BAZ1B: variants seen among roughly 807,000 people sequenced by gnomAD.
BAZ1B encodes tyrosine-protein kinase BAZ1B.
In BAZ1B, 22 loss-of-function variants were observed where a neutral mutation model predicts 153.8. The ratio of observed to expected loss-of-function variants is 0.14; its 90% CI spans 0.10 to 0.20. The LOEUF (loss-of-function observed/expected upper bound fraction) is 0.20. Among genes scored for constraint, BAZ1B ranks in the 10% least tolerant of loss-of-function variants. BAZ1B has a pLI of 1.00. For synonymous variants in BAZ1B, 676 were observed against 633.4 expected, an observed-to-expected ratio of 1.07 and a Z score of -1.01; for missense variants, 1,325 against 1,799.3, an observed-to-expected ratio of 0.74 and a Z score of 4.77.
intron 12 of BAZ1B, chr7:73,462,608 A>G: frequency 3.1e-6 from 1 of 322,354 alleles, no homozygotes; most frequent in South Asian, 2.9e-5. Context: ...AAGCACAGGC[A>G]TCGCAAGGTA....
Position 73,478,447 on chromosome 7 carries a change from AC to A in BAZ1B, c.1013del (p.Cys338PhefsTer5). ...TCAATGACTTCTTCAAGTGTACGTG[AC>A]ACCATAACTTAGGATTTAGTGGTGA... ...LSSPLNPKLWCHVHLKKSLSG... is the reference protein window; with the variant it reads ...LSSPLNPKLWXHVHLKKSLSG... On this transcript the variant is annotated frameshift_variant, in exon 7 of 20. Transcript: ENST00000339594. LOFTEE classifies it high-confidence loss of function. The A allele has an allele frequency of 6.2e-7, 1 of 1,612,702 alleles. No homozygotes were observed. Among genetic ancestry groups the A allele is most frequent in the Non-Finnish European group, 8.5e-7 (1 of 1,179,466 alleles).
rs1440721208 is a variant in BAZ1B at position 73,442,815 on chromosome 7, T to C, written c.4004A>G (p.Lys1335Arg). Reference protein sequence around the residue: ...AEVDELVLQTKRSSRRQSLEL... With the variant: ...AEVDELVLQTRRSSRRQSLEL... The stretch of plus-strand genomic sequence containing the variant: ...CAGGCTTTGCCTCCGGGAGCTCCGC[T>C]TGGTCTGAAGCACCTGGCAGGAAAG... Residue 1335 changes from lysine (K) to arginine (R), a missense_variant, in exon 18 of 20, where the codon AAG (lysine) becomes AGG (arginine). Lys to Arg is a conservative substitution (Grantham distance 26). This residue lies in a region of BAZ1B where 271 missense variants were observed against 337.2 expected (regional missense o/e 0.80). Coordinates refer to ENST00000339594, the MANE Select transcript of BAZ1B (RefSeq NM_032408.4). The C allele has an allele frequency of 2.5e-6, 4 of 1,613,784 alleles. No individual in the cohort carries two copies. The highest frequency in any genetic ancestry group is 3.4e-6 in the Non-Finnish European group (4 of 1,179,720).
intron 9 of BAZ1B, among the ~76,000 whole-genome samples, chr7:73,469,192 A>G (rs1212345046): frequency 6.6e-6 from 1 of 152,012 alleles, no homozygotes; most frequent in Non-Finnish European, 1.5e-5. Context: ...CTTAGACCCC[A>G]TACCTCAATT....
chr7:73,502,878 TTCTGA>T (rs1554577322), intron 3 of BAZ1B, among the ~76,000 whole-genome samples: 2 of 152,176 alleles, frequency 1.3e-5, no homozygotes, highest in African/African-American at 4.8e-5. Flanking sequence ...ATAACAAACA[TTCTGA>T]GTTAGTTTTG....
At chr7:73,452,735 A>C (rs1341317448) in intron 13 of BAZ1B, among the ~76,000 whole-genome samples, 1 of 151,856 alleles carries the variant, frequency 6.6e-6, no homozygotes, top group East Asian at 1.9e-4. Context: ...AAAAAAAAAA[A>C]AAAAAAAGTG....
chr7:73,504,373 T>C (rs1386522186), intron 3 of BAZ1B, among the ~76,000 whole-genome samples: 9 of 151,940 alleles, frequency 5.9e-5, no homozygotes, highest in African/African-American at 7.3e-5. Context: ...ATAAAAAACT[T>C]AGCTAGGCGG....
At chr7:73,490,671 T>C (rs1452042512) in intron 5 of BAZ1B, among the ~76,000 whole-genome samples, 1 of 151,478 alleles carries the variant, frequency 6.6e-6, no homozygotes, top group Non-Finnish European at 1.5e-5. Context: ...AATGGCGCAA[T>C]CTCTGCTCAC....
chr7:73,485,267 A>G (rs1789358058), intron 6 of BAZ1B, among the ~76,000 whole-genome samples: 1 of 152,132 alleles, frequency 6.6e-6, no homozygotes, highest in African/African-American at 2.4e-5. Context: ...AGTATTCTGT[A>G]AAAGGGCATC....
chr7:73,476,929 G>A lies in BAZ1B; in HGVS notation c.2532C>T (p.Ser844=). The A allele has an allele frequency of 1.9e-6, 3 of 1,613,108 alleles. No individual in the cohort carries two copies. Among genetic ancestry groups the A allele is most frequent in the Non-Finnish European group, 1.7e-6 (2 of 1,179,838 alleles). Residue 844 remains serine (S), a synonymous_variant, in exon 7 of 20, where the codon AGC becomes AGT. Coordinates refer to ENST00000339594, the MANE Select transcript of BAZ1B (RefSeq NM_032408.4). ...TAGCTTGAATGGCAAGCAACCTTCT[G>A]CTCTTCACAGCACTAATCATGTCTT... ...EAEDMISAVK[S]RRLLAIQAKK... is the part of the protein sequence containing the mutation.
At chr7:73,489,515 T>A in intron 5 of BAZ1B, 124 bp from the exon 6 acceptor site, 1 of 955,974 alleles carries the variant, frequency 1.0e-6, no homozygotes, top group Admixed American at 2.5e-5. Flanking sequence ...GGCTACAAAT[T>A]AGAAAGAAAA....
At chr7:73,501,255 TCAAAA>T (rs782521481) in intron 3 of BAZ1B, among the ~76,000 whole-genome samples, 21 of 152,038 alleles carry the variant, frequency 1.4e-4, no homozygotes, top group African/African-American at 2.9e-4. Flanking sequence ...AAACTCCGCC[TCAAAA>T]CAAAACAAAA....
intron 4 of BAZ1B, among the ~76,000 whole-genome samples, chr7:73,497,418 A>G (rs1342446893): frequency 6.6e-6 from 1 of 152,182 alleles, no homozygotes; most frequent in Admixed American, 6.6e-5. Context: ...CTGAATCTTC[A>G]TATTTTTCTT....
chr7:73,520,194 G>C (rs1554579911), intron 1 of BAZ1B, among the ~76,000 whole-genome samples: 1 of 142,916 alleles, frequency 7.0e-6, no homozygotes, highest in Non-Finnish European at 1.5e-5. Flanking sequence ...GGGTTAACAA[G>C]AGGGAAACTC....
intron 4 of BAZ1B, among the ~76,000 whole-genome samples, chr7:73,493,390 G>A (rs561313268): frequency 4.7e-4 from 72 of 152,214 alleles, no homozygotes; most frequent in African/African-American, 1.7e-3. Context: ...AACCCGGGAG[G>A]CAGAGGTTGC....
chr7:73,503,615 A>G (rs982663672), intron 3 of BAZ1B, among the ~76,000 whole-genome samples: 4 of 151,920 alleles, frequency 2.6e-5, no homozygotes, highest in Non-Finnish European at 5.9e-5. Context: ...CTTCAAGCCA[A>G]CCTCCCGCCT....
At chr7:73,519,069 C>CAAAA (rs1462580692) in intron 1 of BAZ1B, among the ~76,000 whole-genome samples, 1 of 152,064 alleles carries the variant, frequency 6.6e-6, no homozygotes, top group African/African-American at 2.4e-5. Flanking sequence ...ACAGTACAAT[C>CAAAA]AACATAATCA....
intron 6 of BAZ1B, among the ~76,000 whole-genome samples, chr7:73,484,620 G>A (rs1345832726): frequency 6.6e-5 from 10 of 151,958 alleles, no homozygotes; most frequent in Non-Finnish European, 1.0e-4. Flanking sequence ...CTCCAGCCTG[G>A]GCAGAGCAAG....
At chr7:73,476,712 C>A (rs1419999206) in intron 7 of BAZ1B, among the ~76,000 whole-genome samples, 156 bp downstream of exon 7, 2 of 152,146 alleles carry the variant, frequency 1.3e-5, no homozygotes, top group African/African-American at 4.8e-5. Context: ...AAATTATCAA[C>A]AGAACTAATA....
intron 12 of BAZ1B, among the ~76,000 whole-genome samples, chr7:73,461,998 C>T (rs571719422): frequency 8.5e-5 from 13 of 152,192 alleles, no homozygotes; most frequent in Non-Finnish European, 1.3e-4. Context: ...ACCTGCTGGG[C>T]TCAAGCAATC....
Sources: gnomAD v4.1 joint callset for allele counts (sites outside exome capture counted in the v4.1 genomes callset) on GRCh38, gnomAD v4.1.1 for gene constraint, gnomAD v4.1.1 regional missense constraint, MANE v1.5 for transcripts, NCBI Gene and HGNC (gene_info 2026-07-23, HGNC 2026-07-21) for gene names.